CCSER1: variants seen among roughly 807,000 people sequenced by gnomAD.
CCSER1 encodes serine-rich coiled-coil domain-containing protein 1.
CCSER1 carries 41 observed loss-of-function variants against 82.0 expected under a neutral mutation model. The observed-to-expected ratio is 0.50, with a 90% CI of 0.39 to 0.65. The LOEUF (loss-of-function observed/expected upper bound fraction) is 0.65, where lower values mean the gene tolerates loss of function less well. Among genes scored for constraint, CCSER1 ranks in the 30% least tolerant of loss-of-function variants. CCSER1 has a pLI of 0.00. For missense variants in CCSER1, 1,119 were observed against 1,064.2 expected (o/e 1.05, Z -0.72); for synonymous variants, 414 against 383.9 (o/e 1.08, Z -0.92).
intron 8 of CCSER1, among the ~76,000 whole-genome samples, chr4:90,888,257 G>A (rs1256523569): frequency 6.6e-6 from 1 of 152,070 alleles, no homozygotes; most frequent in East Asian, 1.9e-4. Flanking sequence ...AGCACATGGG[G>A]ATATATAAAA....
chr4:91,091,340 T>G (rs1280672865), intron 10 of CCSER1, among the ~76,000 whole-genome samples: 3 of 152,176 alleles, frequency 2.0e-5, no homozygotes, highest in Non-Finnish European at 2.9e-5. Context: ...GGCTGGTCAC[T>G]TCCTGGATTA....
chr4:90,714,210 G>A (rs1741206879), intron 6 of CCSER1, among the ~76,000 whole-genome samples: 1 of 151,576 alleles, frequency 6.6e-6, no homozygotes, highest in South Asian at 2.1e-4. Flanking sequence ...GATTGTCTTT[G>A]AATAGTTGGA....
chr4:91,036,405 A>C (rs1467902169), intron 9 of CCSER1, among the ~76,000 whole-genome samples: 2 of 152,278 alleles, frequency 1.3e-5, no homozygotes, highest in East Asian at 3.9e-4. Flanking sequence ...TATTCTGCTC[A>C]ATATCTTAAA....
rs193168321 is a variant in CCSER1 at position 90,574,316 on chromosome 4, C to T, written c.1725-53709C>T. Among the ~76,000 whole-genome samples, 1,040 of 129,694 alleles carry T rather than the reference C, an allele frequency of 8.0e-3. 9 individuals carry two copies. The highest frequency in any genetic ancestry group is 0.018 in the African/African-American group (604 of 33,252). 85.1% of individuals were successfully genotyped at this position (129,694 alleles called of 152,430 possible). Reference sequence around the variant, plus strand: ...TCGCTCTGTCGCACAGGCTGGACTGCGGACTGCAGTGGCGCAATCTCGGCT... The same window carrying T: ...TCGCTCTGTCGCACAGGCTGGACTGTGGACTGCAGTGGCGCAATCTCGGCT... On this transcript the variant is annotated intron_variant, in intron 5 of 10. Coordinates refer to ENST00000509176, the MANE Select transcript of CCSER1 (RefSeq NM_001145065.2).
chr4:91,358,361 T>C (rs1578258350), intron 10 of CCSER1, among the ~76,000 whole-genome samples: 1 of 145,030 alleles, frequency 6.9e-6, no homozygotes, highest in Non-Finnish European at 1.5e-5. Flanking sequence ...TAGTTCCCAG[T>C]GGGGTGGGCT....
At chr4:90,188,988 A>G (rs1054701308) in intron 1 of CCSER1, among the ~76,000 whole-genome samples, 10 of 151,536 alleles carry the variant, frequency 6.6e-5, no homozygotes, top group African/African-American at 2.4e-4. Context: ...TGTAGATATG[A>G]AAAAATGTAG....
At chr4:90,151,326 C>A (rs1028696684) in intron 1 of CCSER1, among the ~76,000 whole-genome samples, 1 of 151,924 alleles carries the variant, frequency 6.6e-6, no homozygotes, top group Non-Finnish European at 1.5e-5. Flanking sequence ...ATGGTTTCTT[C>A]ATAAAGATAT....
intron 10 of CCSER1, among the ~76,000 whole-genome samples, chr4:91,576,652 C>A (rs1763465602): frequency 6.6e-6 from 1 of 151,844 alleles, no homozygotes; most frequent in Non-Finnish European, 1.5e-5. Context: ...ATGGATATGT[C>A]TTGGGAGGTG....
intron 9 of CCSER1, among the ~76,000 whole-genome samples, chr4:91,037,208 A>C (rs1405519430): frequency 6.6e-6 from 1 of 151,088 alleles, no homozygotes; most frequent in Non-Finnish European, 1.5e-5. Context: ...CCCAACACAC[A>C]ATCTTTGTGT....
At chr4:90,879,642 G>A (rs1290195057) in intron 8 of CCSER1, among the ~76,000 whole-genome samples, 1 of 149,364 alleles carries the variant, frequency 6.7e-6, no homozygotes, top group African/African-American at 2.5e-5. Context: ...GAAGAAAGAA[G>A]AAAGAGGAAG....
intron 9 of CCSER1, among the ~76,000 whole-genome samples, chr4:90,974,952 A>T (rs1735471899): frequency 1.3e-5 from 2 of 151,398 alleles, no homozygotes; most frequent in Non-Finnish European, 3.0e-5. Context: ...CCAAATGTGG[A>T]AATAATACAA....
At chr4:90,381,118 G>A (rs1338537176) in intron 3 of CCSER1, among the ~76,000 whole-genome samples, 2 of 152,220 alleles carry the variant, frequency 1.3e-5, no homozygotes, top group Non-Finnish European at 2.9e-5. Flanking sequence ...AGCAAGGATT[G>A]TTCAGTGAGG....
intron 1 of CCSER1, among the ~76,000 whole-genome samples, chr4:90,210,426 A>ATTTCT (rs1287559230): frequency 2.8e-4 from 41 of 147,702 alleles, no homozygotes; most frequent in East Asian, 1.4e-3. Context: ...TTCTGCTATC[A>ATTTCT]TTTCTTTTCT....
At chr4:90,216,304 T>C (rs1036025691) in intron 1 of CCSER1, among the ~76,000 whole-genome samples, 1 of 152,238 alleles carries the variant, frequency 6.6e-6, no homozygotes, top group Non-Finnish European at 1.5e-5. Flanking sequence ...GCCAGATGTT[T>C]TGCTCTAAAT....
chr4:91,546,047 A>G (rs188740746), intron 10 of CCSER1, among the ~76,000 whole-genome samples: 1 of 151,936 alleles, frequency 6.6e-6, no homozygotes, highest in Non-Finnish European at 1.5e-5. Context: ...TAATTGTGTA[A>G]TTTTTATTCT....
At chr4:90,592,423 A>T (rs576735311) in intron 5 of CCSER1, among the ~76,000 whole-genome samples, 1 of 152,222 alleles carries the variant, frequency 6.6e-6, no homozygotes, top group South Asian at 2.1e-4. Context: ...AAAAATGTTT[A>T]TAGGGATACA....
chr4:91,262,798 C>T (rs1259424101), intron 10 of CCSER1, among the ~76,000 whole-genome samples: 1 of 151,634 alleles, frequency 6.6e-6, no homozygotes, highest in African/African-American at 2.4e-5. Flanking sequence ...CAACATTATA[C>T]GAGTATAATT....
At chr4:91,479,066 T>C (rs1757746528) in intron 10 of CCSER1, among the ~76,000 whole-genome samples, 1 of 151,782 alleles carries the variant, frequency 6.6e-6, no homozygotes, top group Non-Finnish European at 1.5e-5. Flanking sequence ...TAAGTTATTA[T>C]GCACAAAAGT....
intron 5 of CCSER1, among the ~76,000 whole-genome samples, chr4:90,582,217 C>G (rs913416354): frequency 6.6e-6 from 1 of 152,088 alleles, no homozygotes; most frequent in Non-Finnish European, 1.5e-5. Flanking sequence ...TGGCTCAAGG[C>G]AGAATATTTC....
Sources: gnomAD v4.1 joint callset for allele counts (sites outside exome capture counted in the v4.1 genomes callset) on GRCh38, gnomAD v4.1.1 for gene constraint, MANE v1.5 for transcripts, NCBI Gene and HGNC (gene_info 2026-07-23, HGNC 2026-07-21) for gene names.